Variants in PRH1 observed in about 807,000 individuals in gnomAD.
PRH1 encodes the protein salivary acidic proline-rich phosphoprotein 1/2.
In PRH1, 7 loss-of-function variants were observed where a neutral mutation model predicts 7.9. The observed-to-expected ratio is 0.89, with a 90% CI of 0.50 to 1.67. The LOEUF (loss-of-function observed/expected upper bound fraction) is 1.67. Among genes scored for constraint, PRH1 ranks in the 40% most tolerant of loss-of-function variants. The pLI is 0.00. For synonymous variants in PRH1, 45 were observed against 80.8 expected, an observed-to-expected ratio of 0.56 and a Z score of 2.38; for missense variants, 109 against 223.6, an observed-to-expected ratio of 0.49 and a Z score of 3.27.
chr12:11,134,199 T>A lies in PRH1; in HGVS notation n.40-13019A>T, dbSNP rs200077603. On this transcript the variant is annotated intron_variant and non_coding_transcript_variant, in intron 1 of 1. Coordinates refer to the PRH1 transcript ENST00000541175. ...TTAGCAAAATTTCCAATAACAAATATAACCACTATTAGAATGGAAAAAATG... is the reference window on the plus strand; with the variant it reads ...TTAGCAAAATTTCCAATAACAAATAAAACCACTATTAGAATGGAAAAAATG... 49 of 1,613,426 alleles carry A rather than the reference T, an allele frequency of 3.0e-5. No individual in the cohort carries two copies. The African/African-American group carries it at 5.3e-4, about 18-fold the overall frequency.
chr12:10,907,513 ATGTGTGTGTG>A (rs10566346), intron 2 of PRH1, among the ~76,000 whole-genome samples: 1 of 150,412 alleles, frequency 6.6e-6, no homozygotes, highest in African/African-American at 2.4e-5. Context: ...CTATAACTGT[ATGTGTGTGTG>A]TGTGTGTGTA....
intron 1 of PRH1, among the ~76,000 whole-genome samples, chr12:11,161,654 AT>A (rs1449431028): frequency 6.6e-6 from 1 of 152,162 alleles, no homozygotes; most frequent in African/African-American, 2.4e-5. Flanking sequence ...GAGTTCAGAA[AT>A]CTAAGGTTTC....
intron 2 of PRH1, chr12:10,930,209 CT>C: frequency 6.4e-7 from 1 of 1,568,416 alleles, no homozygotes; most frequent in Non-Finnish European, 8.8e-7. Flanking sequence ...TCGTAGAACA[CT>C]ATGAGCTCTG....
At chr12:11,067,329 A>G (rs1218906907) in intron 1 of PRH1, among the ~76,000 whole-genome samples, 1 of 152,220 alleles carries the variant, frequency 6.6e-6, no homozygotes, top group Non-Finnish European at 1.5e-5. Flanking sequence ...TTTCATTTAG[A>G]GACACATTTT....
chr12:11,074,247 A>T (rs1201324351), intron 1 of PRH1, among the ~76,000 whole-genome samples: 1 of 66,350 alleles, frequency 1.5e-5, no homozygotes, highest in Non-Finnish European at 4.0e-5. Flanking sequence ...AAAAATAGAG[A>T]ACTTATTTGG....
At chr12:10,969,385 A>G (rs1200118507) in intron 2 of PRH1, among the ~76,000 whole-genome samples, 1 of 152,140 alleles carries the variant, frequency 6.6e-6, no homozygotes, top group Non-Finnish European at 1.5e-5. Flanking sequence ...GAAAACAGGG[A>G]TAGAAGTACT....
chr12:11,084,776 C>CATTT lies in PRH1; in HGVS notation n.124-37592_124-37589dup, dbSNP rs199887442. ...TTTATTAATAATGAATTACATATTTCATTTATTTATTTATTTATTTATTCA... is the reference window on the plus strand; with the variant it reads ...TTTATTAATAATGAATTACATATTTCATTTATTTATTTATTTATTTATTTATTCA... On this transcript the variant is annotated intron_variant and non_coding_transcript_variant, in intron 1 of 4. Transcript: ENST00000541977. Among the ~76,000 whole-genome samples, 49 of 56,378 alleles carry CATTT rather than the reference C, an allele frequency of 8.7e-4. 11 individuals are homozygous for CATTT. The highest frequency in any genetic ancestry group is 1.5e-3 in the African/African-American group (29 of 19,890). 37.0% of individuals were successfully genotyped at this position (56,378 alleles called of 152,430 possible).
chr12:11,170,918 T>C (rs1947816193), intron 1 of PRH1, among the ~76,000 whole-genome samples: 1 of 152,088 alleles, frequency 6.6e-6, no homozygotes, highest in Non-Finnish European at 1.5e-5. Context: ...AATATTAATA[T>C]TATGAAATCA....
At chr12:10,901,567 C>A (rs543703360) in intron 2 of PRH1, among the ~76,000 whole-genome samples, 10 of 152,282 alleles carry the variant, frequency 6.6e-5, no homozygotes, top group African/African-American at 2.4e-4. Context: ...ACTGTGTACT[C>A]CATGAGTCAG....
chr12:11,060,514 A>C (rs1458695109), intron 1 of PRH1, among the ~76,000 whole-genome samples: 2 of 152,084 alleles, frequency 1.3e-5, no homozygotes, highest in African/African-American at 2.4e-5. Context: ...AATAGTTTAC[A>C]TCACCTCTCA....
At chr12:10,962,203 G>A (rs1938269575) in intron 2 of PRH1, among the ~76,000 whole-genome samples, 1 of 152,020 alleles carries the variant, frequency 6.6e-6, no homozygotes, top group Non-Finnish European at 1.5e-5. Context: ...CAATTAAAAT[G>A]TTCATTTAGA....
intron 1 of PRH1, among the ~76,000 whole-genome samples, chr12:11,009,037 A>G (rs1940956278): frequency 6.6e-6 from 1 of 151,972 alleles, no homozygotes; most frequent in African/African-American, 2.4e-5. Context: ...ACAAGAAGAT[A>G]CTATTATTTT....
At position 11,169,885 on chromosome 12, in the gene PRH1, T is replaced by C. The variant is rs146143070; in HGVS notation, n.39+1537A>G. On this transcript the variant is annotated intron_variant and non_coding_transcript_variant, in intron 1 of 1. Coordinates refer to the PRH1 transcript ENST00000541175. ...AAGAATACTAGCTGGGAACACAAAA[T>C]TAATTTTTACAAATTTATCAGTGGC... is the stretch of plus-strand genomic sequence containing the variant. 2.6e-5 allele frequency among the ~76,000 whole-genome samples: 4 copies of C among 152,318 alleles called. No homozygotes were observed. The East Asian group carries it at 7.7e-4, about 29-fold the overall frequency.
rs745395055 is a variant in PRH1 at position 11,099,956 on chromosome 12, G to A, written n.124-52768C>T. ...GAAGAAATCCTTTGGAGAGATCTGCGCTTGGCAGATAACATCATCTCAAAT... is the reference window on the plus strand; with the variant it reads ...GAAGAAATCCTTTGGAGAGATCTGCACTTGGCAGATAACATCATCTCAAAT... On this transcript the variant is annotated intron_variant and non_coding_transcript_variant, in intron 1 of 4. Transcript: ENST00000541977. 4.6e-5 allele frequency among the ~76,000 whole-genome samples: 7 copies of A among 152,120 alleles called. 1 individual carries two copies. The highest frequency in any genetic ancestry group is 1.0e-4 in the Non-Finnish European group (7 of 68,028).
chr12:11,000,672 C>A (rs769338415), intron 1 of PRH1, among the ~76,000 whole-genome samples: 21 of 152,100 alleles, frequency 1.4e-4, no homozygotes, highest in Non-Finnish European at 2.8e-4. Context: ...TTTTAATCTT[C>A]CAGAAATCCA....
chr12:11,114,407 A>C (rs1945674494), intron 1 of PRH1, among the ~76,000 whole-genome samples: 2 of 152,232 alleles, frequency 1.3e-5, no homozygotes, highest in Non-Finnish European at 2.9e-5. Flanking sequence ...ACACAGGAAC[A>C]GAAAACCAAA....
chr12:11,034,684 G>A (rs2136109177), intron 1 of PRH1: 1 of 152,126 alleles, frequency 6.6e-6, no homozygotes, highest in East Asian at 2.0e-4. Flanking sequence ...TAAGGCTGGG[G>A]CAGGAGCACC....
chr12:11,018,792 C>A (rs918108935), intron 1 of PRH1, among the ~76,000 whole-genome samples: 1 of 148,014 alleles, frequency 6.8e-6, no homozygotes, highest in African/African-American at 2.5e-5. Flanking sequence ...TAAGGGGAAC[C>A]CCTGGAGGTG....
chr12:11,018,689 T>G (rs1180701263), intron 1 of PRH1, among the ~76,000 whole-genome samples: 1 of 152,202 alleles, frequency 6.6e-6, no homozygotes, highest in African/African-American at 2.4e-5. Flanking sequence ...AGTGAACGTT[T>G]TATAAAGTAG....
Sources: allele counts gnomAD v4.1 joint callset (sites outside exome capture counted in the v4.1 genomes callset), GRCh38; gene constraint gnomAD v4.1.1; transcripts MANE v1.5; gene names NCBI Gene and HGNC (gene_info 2026-07-23, HGNC 2026-07-21).